ANGPT4: variants seen among roughly 807,000 people sequenced by gnomAD.
ANGPT4 encodes angiopoietin 4.
A neutral mutation model predicts 53.0 loss-of-function variants in ANGPT4; 50 were observed. That is an observed-to-expected ratio of 0.94 (90% CI 0.75 to 1.20). ANGPT4 has a LOEUF of 1.20. ANGPT4 is among the 50% of genes most tolerant of loss of function. ANGPT4 has a pLI of 0.00. For synonymous variants in ANGPT4, 251 were observed against 259.7 expected, an observed-to-expected ratio of 0.97 and a Z score of 0.32; for missense variants, 648 against 637.1, an observed-to-expected ratio of 1.02 and a Z score of -0.18.
chr20:900,147 C>A (rs1982231230), intron 1 of ANGPT4, among the ~76,000 whole-genome samples: 1 of 152,176 alleles, frequency 6.6e-6, no homozygotes, highest in African/African-American at 2.4e-5. Flanking sequence ...TCCTTTAAGA[C>A]ATTTACCTTG....
At chr20:906,088 C>A (rs1170602384) in intron 1 of ANGPT4, among the ~76,000 whole-genome samples, 1 of 152,140 alleles carries the variant, frequency 6.6e-6, no homozygotes, top group South Asian at 2.1e-4. Flanking sequence ...TTGTGTAGTC[C>A]CCTCTCTCAA....
intron 2 of ANGPT4, among the ~76,000 whole-genome samples, chr20:889,453 G>A (rs1362633230): frequency 6.6e-6 from 1 of 152,116 alleles, no homozygotes; most frequent in African/African-American, 2.4e-5. Flanking sequence ...ACCCAATACT[G>A]TAGGCAGTTA....
Position 914,526 on chromosome 20 carries a change from CAGG to C in ANGPT4, c.309+1377_309+1379del, listed in dbSNP as rs1982843440. ...ATTCTTTGGTCTGCTGCATGGAGAA[CAGG>C]AGGTGGGGGCCGAGTGTTAGCAGGG... On this transcript the variant is annotated intron_variant, in intron 1 of 8. Transcript: ENST00000381922. The surrounding 1 kb of genome is among the most constrained non-coding windows in gnomAD (Gnocchi z 5.0). Among the ~76,000 whole-genome samples the C allele has an allele frequency of 6.6e-6, 1 of 151,894 alleles. No individual in the cohort carries two copies. The highest frequency in any genetic ancestry group is 1.9e-4 in the East Asian group (1 of 5,178).
At chr20:906,622 C>T (rs1334540511) in intron 1 of ANGPT4, among the ~76,000 whole-genome samples, 2 of 152,326 alleles carry the variant, frequency 1.3e-5, no homozygotes, top group South Asian at 2.1e-4. Context: ...TCAGTTTCCT[C>T]ATTTTGACAA....
chr20:905,928 C>A (rs1484512923), intron 1 of ANGPT4, among the ~76,000 whole-genome samples: 1 of 152,186 alleles, frequency 6.6e-6, no homozygotes, highest in Non-Finnish European at 1.5e-5. Context: ...GAAAGGAAGG[C>A]ATTGAGAAGA....
chr20:889,175 C>G (rs989630213), intron 2 of ANGPT4, among the ~76,000 whole-genome samples: 20 of 151,764 alleles, frequency 1.3e-4, no homozygotes, highest in Non-Finnish European at 2.5e-4. Flanking sequence ...AGCTCTCATC[C>G]CCCCCCACCA....
At chr20:880,737 G>A (rs939641917) in intron 5 of ANGPT4, among the ~76,000 whole-genome samples, 4 of 152,154 alleles carry the variant, frequency 2.6e-5, no homozygotes, top group Admixed American at 2.6e-4. Flanking sequence ...AACCTTGGGA[G>A]CCACTGATTG....
At chr20:885,364 C>A in intron 3 of ANGPT4, 39 bp from the exon 4 acceptor site, 1 of 1,504,048 alleles carries the variant, frequency 6.6e-7, no homozygotes. Context: ...GCCTGGCATC[C>A]TCGCGAAGCA....
chr20:878,348 G>A (rs758460998), intron 6 of ANGPT4, 21 bp from the exon 7 acceptor site: 1 of 1,584,070 alleles, frequency 6.3e-7, no homozygotes, highest in South Asian at 1.1e-5. Context: ...GGGAGCGTGG[G>A]GTGAGACTCA....
At chr20:891,682 C>T (rs185321443) in intron 1 of ANGPT4, among the ~76,000 whole-genome samples, 12 of 152,316 alleles carry the variant, frequency 7.9e-5, no homozygotes, top group Middle Eastern at 3.4e-3. Context: ...GACCTTGGCT[C>T]GGGCCAGGCT....
intron 7 of ANGPT4, 79 bp from the exon 8 acceptor site, chr20:874,493 T>C: frequency 1.3e-6 from 2 of 1,573,654 alleles, no homozygotes; most frequent in Non-Finnish European, 1.7e-6. Flanking sequence ...ACTTCCCCAG[T>C]GGCTTTGTCC....
At chr20:901,117 C>T (rs1206505827) in intron 1 of ANGPT4, among the ~76,000 whole-genome samples, 1 of 152,150 alleles carries the variant, frequency 6.6e-6, no homozygotes, top group African/African-American at 2.4e-5. Context: ...TCTCTCCATA[C>T]CACCTCCAAA....
At chr20:901,730 T>C (rs926376795) in intron 1 of ANGPT4, among the ~76,000 whole-genome samples, 1 of 152,184 alleles carries the variant, frequency 6.6e-6, no homozygotes, top group Non-Finnish European at 1.5e-5. Flanking sequence ...CTGGGTAACA[T>C]GGTGAAACCT....
chr20:888,898 T>C (rs115303068), intron 2 of ANGPT4, among the ~76,000 whole-genome samples: 7,494 of 152,300 alleles, frequency 0.049, 207 homozygotes, highest in Middle Eastern at 0.092. Context: ...CCATCTCATG[T>C]AGCGGAAATG....
At chr20:893,028 T>A (rs1428463664) in intron 1 of ANGPT4, among the ~76,000 whole-genome samples, 1 of 152,182 alleles carries the variant, frequency 6.6e-6, no homozygotes, top group African/African-American at 2.4e-5. Context: ...TACAGACTCC[T>A]ACACGGCAGG....
At chr20:889,358 C>A (rs1981747643) in intron 2 of ANGPT4, among the ~76,000 whole-genome samples, 1 of 152,194 alleles carries the variant, frequency 6.6e-6, no homozygotes, top group South Asian at 2.1e-4. Context: ...TTACACAAAT[C>A]TAGATGGTAT....
chr20:894,432 G>A (rs1024034985), intron 1 of ANGPT4, among the ~76,000 whole-genome samples: 17 of 152,192 alleles, frequency 1.1e-4, no homozygotes, highest in African/African-American at 3.1e-4. Context: ...AGATTTCCTC[G>A]GGAGGGGTGC....
intron 1 of ANGPT4, among the ~76,000 whole-genome samples, chr20:909,085 C>T (rs932898809): frequency 3.3e-4 from 50 of 152,236 alleles, no homozygotes; most frequent in South Asian, 4.1e-4. Context: ...TGCCCGGGTA[C>T]GAACTCACCT....
In ANGPT4 at chr20:914,388, GC is replaced by G. The variant is rs1982836948; in HGVS notation, c.309+1517del. On this transcript the variant is annotated intron_variant, in intron 1 of 8. Coordinates refer to ENST00000381922, the MANE Select transcript of ANGPT4 (RefSeq NM_015985.4). This position sits in a 1 kb window ranked among gnomAD's most constrained non-coding sequence, Gnocchi z 5.0. ...TGGAGAGGATAGGAGGCTGGGGTAA[GC>G]AAAGTGGGAGTCTGGGAGAGGGAAC... Among the ~76,000 whole-genome samples, 1 of 152,160 alleles carries G rather than the reference GC, an allele frequency of 6.6e-6. No individual in the cohort carries two copies. Among genetic ancestry groups the G allele is most frequent in the African/African-American group, 2.4e-5 (1 of 41,424 alleles).
Sources: allele counts gnomAD v4.1 joint callset (sites outside exome capture counted in the v4.1 genomes callset), GRCh38; gene constraint gnomAD v4.1.1; non-coding constraint Gnocchi (gnomAD v3.1); transcripts MANE v1.5; gene names NCBI Gene and HGNC (gene_info 2026-07-23, HGNC 2026-07-21).